The following PLBD2 variants were observed in gnomAD, a reference collection of about 807,000 sequenced individuals.
The protein encoded by PLBD2 is putative aminopeptidase PLBD2.
Under a neutral mutation model 68.3 loss-of-function variants are expected in PLBD2, and 51 were observed. That is an observed-to-expected ratio of 0.75 (90% CI 0.60 to 0.94). The LOEUF (loss-of-function observed/expected upper bound fraction) is 0.94, where lower values mean the gene tolerates loss of function less well. Ranked by LOEUF, PLBD2 falls within the 40% of genes least tolerant of loss-of-function variation. PLBD2 has a pLI of 0.00. For synonymous variants in PLBD2, 314 were observed against 339.3 expected, an observed-to-expected ratio of 0.93 and a Z score of 0.82; for missense variants, 729 against 792.2, an observed-to-expected ratio of 0.92 and a Z score of 0.96.
At chr12:113,377,370 C>G (rs544727431) in intron 5 of PLBD2, among the ~76,000 whole-genome samples, 3 of 152,264 alleles carry the variant, frequency 2.0e-5, no homozygotes, top group African/African-American at 7.2e-5. Flanking sequence ...CCTCGTATCC[C>G]TTTCCAGGCA....
Position 113,371,394 on chromosome 12 carries a change from C to T in PLBD2, c.385-1255C>T, listed in dbSNP as rs140776675. Reference sequence around the variant, plus strand: ...TGGGTGAATCTGAGATGCCTGGAGGCGAGGGGGAAAGAGCACATCACAGAG... The same window carrying T: ...TGGGTGAATCTGAGATGCCTGGAGGTGAGGGGGAAAGAGCACATCACAGAG... On this transcript the variant is annotated intron_variant, in intron 2 of 11. Transcript: ENST00000280800. Among the ~76,000 whole-genome samples the T allele has an allele frequency of 6.4e-4, 97 of 152,298 alleles. 1 individual carries two copies. The highest frequency in any genetic ancestry group is 2.3e-3 in the African/African-American group (94 of 41,562).
intron 9 of PLBD2, among the ~76,000 whole-genome samples, chr12:113,386,354 ATT>A (rs1221763402): frequency 4.4e-5 from 4 of 90,676 alleles, no homozygotes; most frequent in African/African-American, 1.4e-4. Context: ...ACGCCGGCTA[ATT>A]TTTTTTTTTT....
chr12:113,365,019 AT>A (rs1045835381), intron 1 of PLBD2, among the ~76,000 whole-genome samples: 15 of 151,878 alleles, frequency 9.9e-5, no homozygotes, highest in Non-Finnish European at 1.8e-4. Context: ...TAAAAATCTA[AT>A]TTTTTCCCCT....
chr12:113,369,322 C>T (rs908611420), intron 2 of PLBD2, 113 bp downstream of exon 2: 3 of 717,082 alleles, frequency 4.2e-6, no homozygotes, highest in African/African-American at 1.8e-5. Flanking sequence ...CTGCCACAGC[C>T]CTTCATCTAT....
intron 2 of PLBD2, among the ~76,000 whole-genome samples, chr12:113,370,555 C>T (rs1311184752): frequency 3.1e-4 from 45 of 145,228 alleles, no homozygotes; most frequent in Admixed American, 2.9e-4. Context: ...TGGCTTACTG[C>T]AACCTCTGCC....
chr12:113,371,757 G>A (rs1469937176), intron 2 of PLBD2, among the ~76,000 whole-genome samples: 1 of 152,226 alleles, frequency 6.6e-6, no homozygotes, highest in Non-Finnish European at 1.5e-5. Context: ...GGCAGGCTTG[G>A]GCCCAGAGAG....
In PLBD2 at chr12:113,380,652, T is replaced by C. The variant is rs558670461; in HGVS notation, c.860-93T>C. 2.7e-4 allele frequency: 265 copies of C among 999,286 alleles called. No individual in the cohort carries two copies. The African/African-American group carries it at 3.8e-3, about 14-fold the overall frequency. The allele number at this position is 999,286 out of a possible 1,614,324, so 61.9% of individuals were successfully genotyped here. A position where few individuals can be genotyped will look rare whatever the true frequency, so the allele number is the denominator to read the frequency against. On this transcript the variant is annotated intron_variant, in intron 5 of 11. Coordinates refer to ENST00000280800, the MANE Select transcript of PLBD2 (RefSeq NM_173542.4). ...GTGGGGGCTTCCTCGGAGGCCTGCCTGTGCCCCTGTGCCTGTGTCTTGTTA... is the reference window on the plus strand; with the variant it reads ...GTGGGGGCTTCCTCGGAGGCCTGCCCGTGCCCCTGTGCCTGTGTCTTGTTA...
intron 9 of PLBD2, 40 bp downstream of exon 9, chr12:113,385,323 G>A (rs761814554): frequency 2.5e-6 from 4 of 1,574,306 alleles, no homozygotes; most frequent in Non-Finnish European, 3.5e-6. Flanking sequence ...ACCCTCCAGG[G>A]CATCCACCTC....
rs544860427 is a variant in PLBD2, at chr12:113,384,469, C to A, written c.1118+204C>A. Among the ~76,000 whole-genome samples the A allele has an allele frequency of 8.5e-5, 13 of 152,208 alleles. No individual in the cohort carries two copies. The East Asian group carries it at 2.3e-3, about 27-fold the overall frequency. ...AGGCTCCTCAGCCTAGGAAGGGGTG[C>A]CTTGGTGGCAGTACAGGAAGAGCAC... is the stretch of plus-strand genomic sequence containing the variant. On this transcript the variant is annotated intron_variant, in intron 7 of 11. Coordinates refer to ENST00000280800, the MANE Select transcript of PLBD2 (RefSeq NM_173542.4). The surrounding 1 kb of genome is among the most constrained non-coding windows in gnomAD (Gnocchi z 4.2).
chr12:113,387,379 G>C (rs558582557), intron 10 of PLBD2, among the ~76,000 whole-genome samples: 3 of 152,322 alleles, frequency 2.0e-5, no homozygotes, highest in South Asian at 2.1e-4. Context: ...GTGCCCCACT[G>C]TCCTGTCTCT....
chr12:113,380,868 T>C (rs1343979293), intron 6 of PLBD2, 26 bp downstream of exon 6: 2 of 1,541,328 alleles, frequency 1.3e-6, no homozygotes, highest in Non-Finnish European at 1.8e-6. Flanking sequence ...ATGTCTCCTC[T>C]GTTCCTGGGG....
chr12:113,388,653 G>T lies in PLBD2; in HGVS notation c.*27G>T. 1 of 1,537,906 alleles carries T rather than the reference G, an allele frequency of 6.5e-7. No individual in the cohort carries two copies. The highest frequency in any genetic ancestry group is 8.8e-7 in the Non-Finnish European group (1 of 1,140,454). ...GTTCTGTCCCTGCTCTGCTGCTTTC[G>T]CCCCTGCTGACCCTCGTCAGGGTCA... is the stretch of plus-strand genomic sequence containing the variant. On this transcript the variant is annotated 3_prime_UTR_variant, in exon 12 of 12. Coordinates refer to ENST00000280800, the MANE Select transcript of PLBD2 (RefSeq NM_173542.4).
rs770844156 is a variant in PLBD2 at position 113,388,528 on chromosome 12, C to T, written c.1672C>T (p.Pro558Ser). Reference sequence around the variant, plus strand: ...CAGCGGTCCCACGTGGGACCAGGTGCCCCCGTTCCAGTGGAGCACCTCGCC... The same window carrying T: ...CAGCGGTCCCACGTGGGACCAGGTGTCCCCGTTCCAGTGGAGCACCTCGCC... ...AASGPTWDQV[P>S]PFQWSTSPFS... The change falls in exon 12 of 12, where the codon CCC becomes TCC. Residue 558 changes from proline to serine, a missense_variant. By Grantham distance (74) the Pro-to-Ser change is moderately conservative (BLOSUM62 -1). Coordinates refer to ENST00000280800, the MANE Select transcript of PLBD2 (RefSeq NM_173542.4). 2 of 1,610,620 alleles carry T rather than the reference C, an allele frequency of 1.2e-6. No homozygotes were observed. Among genetic ancestry groups the T allele is most frequent in the East Asian group, 4.5e-5 (2 of 44,720 alleles).
At chr12:113,368,756 G>A (rs927724741) in intron 1 of PLBD2, among the ~76,000 whole-genome samples, 4 of 152,074 alleles carry the variant, frequency 2.6e-5, no homozygotes, top group Admixed American at 1.3e-4. Flanking sequence ...GGATTATAGG[G>A]GACTCAATGA....
rs376107555 is a variant in PLBD2, at chr12:113,380,729, C to T, written c.860-16C>T. ...GCCTGTCTGACCAGCATCCCTGGCTCGCTCTGCCTGCACAGGGGACTACCC... is the reference window on the plus strand; with the variant it reads ...GCCTGTCTGACCAGCATCCCTGGCTTGCTCTGCCTGCACAGGGGACTACCC... On this transcript the variant is annotated splice_polypyrimidine_tract_variant and intron_variant, in intron 5 of 11. Coordinates refer to ENST00000280800, the MANE Select transcript of PLBD2 (RefSeq NM_173542.4). 106 of 1,545,210 alleles carry T rather than the reference C, an allele frequency of 6.9e-5. No homozygotes were observed. The African/African-American group carries it at 1.1e-3, about 17-fold the overall frequency.
chr12:113,382,906 C>CTGT (rs761261685), intron 6 of PLBD2, among the ~76,000 whole-genome samples: 9 of 122,638 alleles, frequency 7.3e-5, no homozygotes, highest in Non-Finnish European at 1.1e-4. Context: ...GGCTCTCTCT[C>CTGT]TGTTGCCCAG....
At chr12:113,370,050 C>T (rs974549298) in intron 2 of PLBD2, among the ~76,000 whole-genome samples, 2 of 152,056 alleles carry the variant, frequency 1.3e-5, no homozygotes, top group Non-Finnish European at 2.9e-5. Context: ...CAGATGTGCA[C>T]AACCATGCCC....
At chr12:113,381,263 C>T (rs1957487802) in intron 6 of PLBD2, among the ~76,000 whole-genome samples, 1 of 151,384 alleles carries the variant, frequency 6.6e-6, no homozygotes, top group Non-Finnish European at 1.5e-5. Context: ...CACATCCCCA[C>T]CGCTTCCCTC....
intron 1 of PLBD2, among the ~76,000 whole-genome samples, chr12:113,359,751 G>GA (rs747877504): frequency 5.9e-5 from 9 of 152,316 alleles, no homozygotes; most frequent in Middle Eastern, 3.4e-3. Flanking sequence ...TGGCCTTAGG[G>GA]ACACAGCTGA....
Sources: gnomAD v4.1 joint callset for allele counts (sites outside exome capture counted in the v4.1 genomes callset) on GRCh38, gnomAD v4.1.1 for gene constraint, Gnocchi (gnomAD v3.1) non-coding constraint, MANE v1.5 for transcripts, NCBI Gene and HGNC (gene_info 2026-07-23, HGNC 2026-07-21) for gene names.